KCNN1: variants seen among roughly 807,000 people sequenced by gnomAD.
KCNN1 encodes potassium calcium-activated channel subfamily N member 1, also known as small conductance calcium-activated potassium channel protein 1.
A neutral mutation model predicts 44.7 loss-of-function variants in KCNN1; 20 were observed. The observed-to-expected ratio is 0.45, with a 90% CI of 0.32 to 0.65. The LOEUF (loss-of-function observed/expected upper bound fraction) is 0.65, where lower values mean the gene tolerates loss of function less well. Among genes scored for constraint, KCNN1 ranks in the 30% least tolerant of loss-of-function variants. The pLI is 0.05. For missense variants in KCNN1, 632 were observed against 785.3 expected, an observed-to-expected ratio of 0.80 and a Z score of 2.33; for synonymous variants, 324 against 341.7, an observed-to-expected ratio of 0.95 and a Z score of 0.57.
At chr19:17,973,526 C>A (rs2032095237) in intron 1 of KCNN1, among the ~76,000 whole-genome samples, 1 of 152,222 alleles carries the variant, frequency 6.6e-6, no homozygotes, top group South Asian at 2.1e-4. Flanking sequence ...AGCGGTCCTT[C>A]TGCCTTGGCC....
intron 2 of KCNN1, among the ~76,000 whole-genome samples, chr19:17,960,789 T>C (rs1366534516): frequency 6.6e-6 from 1 of 152,130 alleles, no homozygotes; most frequent in Non-Finnish European, 1.5e-5. Context: ...TGGTGGCTCC[T>C]GGTGTTCTTT....
At chr19:17,969,317 G>C (rs2031928937) in intron 1 of KCNN1, among the ~76,000 whole-genome samples, 1 of 152,226 alleles carries the variant, frequency 6.6e-6, no homozygotes, top group Non-Finnish European at 1.5e-5. Flanking sequence ...CTGGCTGGGT[G>C]ACCTTGGGCA....
Position 17,998,674 on chromosome 19 carries a change from C to A in KCNN1, c.*268C>A. The A allele has an allele frequency of 2.4e-6, 1 of 415,050 alleles. No individual in the cohort carries two copies. Among genetic ancestry groups the A allele is most frequent in the Non-Finnish European group, 4.3e-6 (1 of 234,260 alleles). 25.7% of individuals were successfully genotyped at this position (415,050 alleles called of 1,614,324 possible). ...GGCATGGAGCAGCCCGGGGAGGGGTCCGTGCTGGTTCTGAATAAAGCAGGA... is the reference window on the plus strand; with the variant it reads ...GGCATGGAGCAGCCCGGGGAGGGGTACGTGCTGGTTCTGAATAAAGCAGGA... On this transcript the variant is annotated 3_prime_UTR_variant, in exon 10 of 10. Transcript: ENST00000684775. The surrounding 1 kb of genome is among the most constrained non-coding windows in gnomAD (Gnocchi z 5.4).
chr19:17,982,216 C>A, intron 4 of KCNN1, 89 bp downstream of exon 4: 1 of 1,079,294 alleles, frequency 9.3e-7, no homozygotes, highest in Non-Finnish European at 1.3e-6. Flanking sequence ...CGACCCTGGG[C>A]CCCTCCCGAC....
chr19:17,982,806 G>A (rs2032463302), intron 4 of KCNN1, among the ~76,000 whole-genome samples: 1 of 152,114 alleles, frequency 6.6e-6, no homozygotes, highest in African/African-American at 2.4e-5. Flanking sequence ...GAGGGATTAA[G>A]GAAGGGCTTG....
intron 7 of KCNN1, among the ~76,000 whole-genome samples, chr19:17,992,372 G>T (rs536768618): frequency 6.6e-6 from 1 of 152,036 alleles, no homozygotes; most frequent in African/African-American, 2.4e-5. Context: ...GGCTGAGACG[G>T]GCGGATCACA....
intron 3 of KCNN1, 59 bp downstream of exon 3, chr19:17,975,246 C>T (rs1568451755): frequency 7.9e-7 from 1 of 1,266,396 alleles, no homozygotes; most frequent in African/African-American, 1.5e-5. Context: ...TCCCCCCACA[C>T]CAGCCCACCT....
chr19:17,989,807 G>A lies in KCNN1; in HGVS notation c.1262G>A (p.Arg421Gln), dbSNP rs2032725506. ...AAGAAGCCAGACCAAGCCCGGGTTC[G>A]GAAACACCAGCGTAAGTTCCTCCAA... ...LVKKPDQARV[R>Q]KHQRKFLQAI... The change falls in exon 7 of 10, where the codon CGG (arginine) becomes CAG (glutamine). Residue 421 changes from arginine (R) to glutamine (Q), a missense_variant. This residue lies in a region of KCNN1 where 237 missense variants were observed against 253.0 expected (regional missense o/e 0.94). Transcript: ENST00000684775. The A allele has an allele frequency of 1.9e-6, 3 of 1,613,906 alleles. No homozygotes were observed. The highest frequency in any genetic ancestry group is 2.5e-6 in the Non-Finnish European group (3 of 1,179,864).
chr19:17,977,113 G>A (rs1399235353), intron 3 of KCNN1, among the ~76,000 whole-genome samples: 1 of 152,090 alleles, frequency 6.6e-6, no homozygotes, highest in Non-Finnish European at 1.5e-5. Flanking sequence ...CGTTAGCAGG[G>A]TTGGTTCCTT....
chr19:17,984,533 A>G (rs1447304009), intron 4 of KCNN1, among the ~76,000 whole-genome samples: 2 of 152,146 alleles, frequency 1.3e-5, no homozygotes, highest in Non-Finnish European at 2.9e-5. Context: ...CAGTCTCCAG[A>G]AAAAGGCCAA....
chr19:17,991,081 AAGGAG>A, intron 7 of KCNN1, among the ~76,000 whole-genome samples: 1 of 150,812 alleles, frequency 6.6e-6, no homozygotes, highest in African/African-American at 2.5e-5. Context: ...TTGGGAGGCC[AAGGAG>A]GGAAGACTGA....
intron 2 of KCNN1, among the ~76,000 whole-genome samples, chr19:17,956,801 C>G (rs566963770): frequency 3.3e-5 from 5 of 151,986 alleles, no homozygotes; most frequent in Admixed American, 3.3e-4. Flanking sequence ...TGCCTGTAAT[C>G]CCAGCACTTT....
Position 17,998,422 on chromosome 19 carries a change from C to G in KCNN1, c.*16C>G, listed in dbSNP as rs1192728495. The G allele has an allele frequency of 2.3e-5, 34 of 1,464,318 alleles. No individual in the cohort carries two copies. The highest frequency in any genetic ancestry group is 2.5e-4 in the Middle Eastern group (1 of 3,952). The allele number at this position is 1,464,318 out of a possible 1,614,324, so 90.7% of individuals were successfully genotyped here. A position where few individuals can be genotyped will look rare whatever the true frequency, so the allele number is the denominator to read the frequency against. ...CTGCGGGTGACGGCCCTGCCCGCCA[C>G]CAGACCCCTAAATCTTGGCCATCGT... is the stretch of plus-strand genomic sequence containing the variant. On this transcript the variant is annotated 3_prime_UTR_variant, in exon 10 of 10. Transcript: ENST00000684775. The surrounding 1 kb of genome is among the most constrained non-coding windows in gnomAD (Gnocchi z 5.4).
At position 17,998,580 on chromosome 19, in the gene KCNN1, G is replaced by T; in HGVS notation, c.*174G>T. ...AGGCAGAGGGCAGGGCTGGACCATGGGTGAGGGCAGGGGAGCCCGGAGCTT... is the reference window on the plus strand; with the variant it reads ...AGGCAGAGGGCAGGGCTGGACCATGTGTGAGGGCAGGGGAGCCCGGAGCTT... On this transcript the variant is annotated 3_prime_UTR_variant, in exon 10 of 10. Coordinates refer to ENST00000684775, the MANE Select transcript of KCNN1 (RefSeq NM_001386974.1). This position sits in a 1 kb window ranked among gnomAD's most constrained non-coding sequence, Gnocchi z 5.4. 1.6e-6 allele frequency: 1 copy of T among 638,920 alleles called. No individual in the cohort carries two copies. The highest frequency in any genetic ancestry group is 2.5e-6 in the Non-Finnish European group (1 of 405,614). The allele number at this position is 638,920 out of a possible 1,614,324, so 39.6% of individuals were successfully genotyped here.
Position 17,989,450 on chromosome 19 carries a change from A to C in KCNN1, c.1171-266A>C, listed in dbSNP as rs573601603. ...TCCAGTCTGGGCCACAGAGCCTCAA[A>C]AAACAAACAAACAAACAAACAAACA... On this transcript the variant is annotated intron_variant, in intron 6 of 9. Coordinates refer to ENST00000684775, the MANE Select transcript of KCNN1 (RefSeq NM_001386974.1). Among the ~76,000 whole-genome samples, 4 of 152,178 alleles carry C rather than the reference A, an allele frequency of 2.6e-5. No individual in the cohort carries two copies. The East Asian group carries it at 7.7e-4, about 29-fold the overall frequency.
At chr19:17,992,959 C>T (rs2032846623) in intron 7 of KCNN1, 95 bp from the exon 8 acceptor site, 2 of 1,517,174 alleles carry the variant, frequency 1.3e-6, no homozygotes, top group Admixed American at 1.9e-5. Flanking sequence ...GGGTGGCATC[C>T]CCGGGAGGTG....
chr19:17,955,094 CA>C (rs1410093678), intron 2 of KCNN1, among the ~76,000 whole-genome samples: 1 of 143,548 alleles, frequency 7.0e-6, no homozygotes, highest in Non-Finnish European at 1.5e-5. Context: ...GAAATAATAA[CA>C]AGCTGGGTAC....
chr19:17,994,964 T>G (rs900270847), intron 9 of KCNN1, among the ~76,000 whole-genome samples: 14 of 152,238 alleles, frequency 9.2e-5, no homozygotes, highest in Non-Finnish European at 1.9e-4. Flanking sequence ...TGACATAGTT[T>G]CAGAAAATAG....
intron 3 of KCNN1, among the ~76,000 whole-genome samples, chr19:17,979,996 G>T (rs2032344164): frequency 6.6e-6 from 1 of 151,478 alleles, no homozygotes; most frequent in Non-Finnish European, 1.5e-5. Flanking sequence ...GAGCCCAGGA[G>T]TTCAAAGCCA....
Sources: allele counts gnomAD v4.1 joint callset (sites outside exome capture counted in the v4.1 genomes callset), GRCh38; gene constraint gnomAD v4.1.1; regional missense constraint gnomAD v4.1.1; non-coding constraint Gnocchi (gnomAD v3.1); transcripts MANE v1.5; gene names NCBI Gene and HGNC (gene_info 2026-07-23, HGNC 2026-07-21).